Variants in ADAM19 observed in about 807,000 individuals in gnomAD.
ADAM19 encodes ADAM metallopeptidase domain 19.
Under a neutral mutation model 114.7 loss-of-function variants are expected in ADAM19, and 65 were observed. That is an observed-to-expected ratio of 0.57 (90% CI 0.46 to 0.70). The LOEUF is 0.70. ADAM19 is among the 30% of genes least tolerant of loss of function. The pLI, the probability that ADAM19 is intolerant of heterozygous loss-of-function variation, is 0.00. For synonymous variants in ADAM19, 466 were observed against 460.5 expected, an observed-to-expected ratio of 1.01 and a Z score of -0.15; for missense variants, 1,063 against 1,204.7, an observed-to-expected ratio of 0.88 and a Z score of 1.74.
At chr5:157,512,709 G>A (rs1581316647) in intron 8 of ADAM19, among the ~76,000 whole-genome samples, 1 of 152,218 alleles carries the variant, frequency 6.6e-6, no homozygotes, top group African/African-American at 2.4e-5. Context: ...CCTGACCTAG[G>A]AAAGTTAACC....
At chr5:157,494,363 G>A (rs1472235442) in intron 15 of ADAM19, among the ~76,000 whole-genome samples, 1 of 152,260 alleles carries the variant, frequency 6.6e-6, no homozygotes, top group East Asian at 1.9e-4. Flanking sequence ...ATTAATGAAT[G>A]AGGAGCTATT....
intron 10 of ADAM19, 64 bp downstream of exon 10, chr5:157,506,992 G>T: frequency 7.5e-7 from 1 of 1,327,344 alleles, no homozygotes; most frequent in Non-Finnish European, 1.1e-6. Context: ...TTCAAAAGAT[G>T]ACCTCTGGTC....
At position 157,531,147 on chromosome 5, in the gene ADAM19, G is replaced by A. The variant is rs184752225; in HGVS notation, c.331-264C>T. Among the ~76,000 whole-genome samples the A allele has an allele frequency of 2.2e-4, 33 of 152,272 alleles. 1 individual carries two copies. Among genetic ancestry groups the A allele is most frequent in the Admixed American group, 6.5e-4 (10 of 15,282 alleles). ...AAAGGAGCAAAGAGATTTGCCCAAG[G>A]TCTCCCTGCTGATTGGAAAATCCAG... is the stretch of plus-strand genomic sequence containing the variant. On this transcript the variant is annotated intron_variant, in intron 4 of 22. Coordinates refer to ENST00000257527, the MANE Select transcript of ADAM19 (RefSeq NM_033274.5).
chr5:157,537,835 T>C, intron 4 of ADAM19, 78 bp downstream of exon 4: 1 of 1,321,246 alleles, frequency 7.6e-7, no homozygotes, highest in Non-Finnish European at 1.1e-6. Flanking sequence ...ACCAACTCCA[T>C]CAGGCATCTC....
At chr5:157,556,371 A>G (rs1404444037) in intron 3 of ADAM19, among the ~76,000 whole-genome samples, 1 of 151,270 alleles carries the variant, frequency 6.6e-6, no homozygotes, top group African/African-American at 2.4e-5. Flanking sequence ...GGGGCGCACC[A>G]CCATGCCCAG....
At position 157,496,981 on chromosome 5, in the gene ADAM19, C is replaced by T; in HGVS notation, c.1507G>A (p.Gly503Ser). The change falls in exon 14 of 23, where the codon GGT becomes AGT. Residue 503 changes from glycine (G) to serine (S), a missense_variant. Coordinates refer to ENST00000257527, the MANE Select transcript of ADAM19 (RefSeq NM_033274.5). ...GCCTGGCCGCCCTCACAGGGGGTAC[C>T]ATCCATCTGGTAGAAGTTGGTAGGG... ...HCPTNFYQMDGTPCEGGQAYC... is the reference protein window; with the variant it reads ...HCPTNFYQMDSTPCEGGQAYC... 6.3e-7 allele frequency: 1 copy of T among 1,597,790 alleles called. No homozygotes were observed. The highest frequency in any genetic ancestry group is 8.5e-7 in the Non-Finnish European group (1 of 1,173,124).
At position 157,481,954 on chromosome 5, in the gene ADAM19, A is replaced by C. The variant is rs1754767167; in HGVS notation, c.2551-11T>G. The C allele has an allele frequency of 6.3e-7, 1 of 1,580,270 alleles. No homozygotes were observed. The highest frequency in any genetic ancestry group is 1.4e-5 in the African/African-American group (1 of 73,918). ...AGGCCTGGAGAAGTCCTGGAGAGAA[A>C]GCAATAAGCCTCACTTGAAGGCCAG... is the stretch of plus-strand genomic sequence containing the variant. On this transcript the variant is annotated splice_polypyrimidine_tract_variant and intron_variant, in intron 21 of 22. Coordinates refer to ENST00000257527, the MANE Select transcript of ADAM19 (RefSeq NM_033274.5).
intron 20 of ADAM19, 64 bp from the exon 21 acceptor site, chr5:157,488,553 C>T: frequency 7.5e-7 from 1 of 1,339,748 alleles, no homozygotes; most frequent in Non-Finnish European, 1.0e-6. Flanking sequence ...TTGTGTGTCT[C>T]TTTGAGATAA....
chr5:157,497,082 G>A lies in ADAM19; in HGVS notation c.1406C>T (p.Ala469Val). The change falls in exon 14 of 23, where the codon GCT becomes GTT. Residue 469 changes from alanine to valine, a missense_variant. By Grantham distance (64) the Ala-to-Val change is moderately conservative. Coordinates refer to ENST00000257527, the MANE Select transcript of ADAM19 (RefSeq NM_033274.5). ...CTGCTCGCGGCACAGGGTCCCAGGA[G>A]CCAACAGCTGAGCCAAGGAATGAGA... ...GSCCHQCKLL[A>V]PGTLCREQAR... 4.6e-6 allele frequency: 7 copies of A among 1,519,652 alleles called. No homozygotes were observed. Among genetic ancestry groups the A allele is most frequent in the Non-Finnish European group, 6.1e-6 (7 of 1,140,568 alleles). The allele number at this position is 1,519,652 out of a possible 1,614,324, so 94.1% of individuals were successfully genotyped here.
intron 21 of ADAM19, among the ~76,000 whole-genome samples, chr5:157,485,720 A>T (rs1754911743): frequency 6.6e-6 from 1 of 152,228 alleles, no homozygotes; most frequent in Admixed American, 6.5e-5. Context: ...TCCTGGGACC[A>T]GGAAAGCTCC....
chr5:157,503,015 T>G, intron 11 of ADAM19, 35 bp from the exon 12 acceptor site: 1 of 1,596,612 alleles, frequency 6.3e-7, no homozygotes, highest in Non-Finnish European at 8.6e-7. Flanking sequence ...AGTGGGGAGT[T>G]TGAGCATCTA....
intron 10 of ADAM19, among the ~76,000 whole-genome samples, chr5:157,506,844 G>C (rs1189298908): frequency 6.6e-6 from 1 of 152,182 alleles, no homozygotes; most frequent in African/African-American, 2.4e-5. Context: ...TGAGCTTGAA[G>C]ATACGGAATG....
At position 157,513,450 on chromosome 5, in the gene ADAM19, G is replaced by A. The variant is rs377464157; in HGVS notation, c.722C>T (p.Ala241Val). The A allele has an allele frequency of 2.4e-4, 393 of 1,613,884 alleles. No homozygotes were observed. Among genetic ancestry groups the A allele is most frequent in the Non-Finnish European group, 3.1e-4 (362 of 1,179,928 alleles). Residue 241 changes from alanine (A) to valine (V), a missense_variant, in exon 8 of 23, where the codon GCC becomes GTC. Ala to Val is a moderately conservative substitution (Grantham distance 64). Coordinates refer to ENST00000257527, the MANE Select transcript of ADAM19 (RefSeq NM_033274.5). ...TGGTCTCACCTTATCAACATAGTTGGCGATCTCTATGAGCTTGTGTTTGGT... is the reference window on the plus strand; with the variant it reads ...TGGTCTCACCTTATCAACATAGTTGACGATCTCTATGAGCTTGTGTTTGGT... ...DATKHKLIEI[A>V]NYVDKFYRSL...
intron 14 of ADAM19, among the ~76,000 whole-genome samples, chr5:157,495,009 A>G (rs1239625603): frequency 6.6e-6 from 1 of 151,298 alleles, no homozygotes; most frequent in Non-Finnish European, 1.5e-5. Flanking sequence ...TTTTTCTTTC[A>G]GATGGATTCT....
In ADAM19 at chr5:157,491,891, T is replaced by G; in HGVS notation, c.1930A>C (p.Arg644=). The change falls in exon 17 of 23, where the codon AGG becomes CGG. Residue 644 remains arginine (R), a synonymous_variant. Coordinates refer to ENST00000257527, the MANE Select transcript of ADAM19 (RefSeq NM_033274.5). ...YNHICFEGQC[R]NTSFFETEGC... ...TCAGTTTCAAAGAAGGAGGTGTTCC[T>G]GCACTGCCCCTCAAAGCAAATCTGC... 1.2e-6 allele frequency: 2 copies of G among 1,614,214 alleles called. No homozygotes were observed. Among genetic ancestry groups the G allele is most frequent in the Non-Finnish European group, 1.7e-6 (2 of 1,180,040 alleles).
chr5:157,523,741 A>T (rs1432412692), intron 5 of ADAM19, among the ~76,000 whole-genome samples: 2 of 152,172 alleles, frequency 1.3e-5, no homozygotes, highest in East Asian at 3.8e-4. Context: ...CCTTTATAGC[A>T]ACACAAATGG....
At position 157,509,411 on chromosome 5, in the gene ADAM19, G is replaced by A. The variant is rs529819229; in HGVS notation, c.795C>T (p.His265=). 26 of 1,613,242 alleles carry A rather than the reference G, an allele frequency of 1.6e-5. No homozygotes were observed. Among genetic ancestry groups the A allele is most frequent in the South Asian group, 3.3e-5 (3 of 90,738 alleles). The change falls in exon 9 of 23, where the codon CAC becomes CAT. Residue 265 remains histidine (H), a synonymous_variant. Coordinates refer to ENST00000257527, the MANE Select transcript of ADAM19 (RefSeq NM_033274.5). ...TCTCTGAAACTTCACACATGTTCCC[G>A]TGGGTCCACACTTCCAAGCCCACGA... ...IALVGLEVWT[H]GNMCEVSENP...
chr5:157,552,083 G>A (rs140388519), intron 3 of ADAM19, among the ~76,000 whole-genome samples: 13,827 of 152,170 alleles, frequency 0.091, 706 homozygotes, highest in East Asian at 0.18. Context: ...CCCAGAAGGC[G>A]GAGGTTGCAG....
rs11465239 is a variant in ADAM19 at position 157,573,861 on chromosome 5, T to G, written c.94+1742A>C. Among the ~76,000 whole-genome samples, 650 of 152,358 alleles carry G rather than the reference T, an allele frequency of 4.3e-3. 4 individuals carry two copies. The highest frequency in any genetic ancestry group is 0.014 in the African/African-American group (595 of 41,596). ...ATTTCTGCATCTGCCCTGGGCCACA[T>G]GATTTCAACATTCTTTCTCCAATGC... is the stretch of plus-strand genomic sequence containing the variant. On this transcript the variant is annotated intron_variant, in intron 1 of 22. Transcript: ENST00000257527.
Sources: allele counts gnomAD v4.1 joint callset (sites outside exome capture counted in the v4.1 genomes callset), GRCh38; gene constraint gnomAD v4.1.1; transcripts MANE v1.5; gene names NCBI Gene and HGNC (gene_info 2026-07-23, HGNC 2026-07-21).